The following ZNF385D variants were observed in gnomAD, a reference collection of about 807,000 sequenced individuals.
ZNF385D encodes zinc finger protein 385D, also known as zinc finger protein 659.
ZNF385D carries 15 observed loss-of-function variants against 35.8 expected under a neutral mutation model. The ratio of observed to expected loss-of-function variants is 0.42; its 90% CI spans 0.28 to 0.64. ZNF385D has a LOEUF of 0.64. Among genes scored for constraint, ZNF385D ranks in the 30% least tolerant of loss-of-function variants. ZNF385D has a pLI of 0.23. For synonymous variants in ZNF385D, 212 were observed against 186.8 expected, an observed-to-expected ratio of 1.13 and a Z score of -1.10; for missense variants, 474 against 494.6, an observed-to-expected ratio of 0.96 and a Z score of 0.39.
intron 3 of ZNF385D, among the ~76,000 whole-genome samples, chr3:22,003,135 C>G (rs1389461605): frequency 6.6e-6 from 1 of 152,110 alleles, no homozygotes; most frequent in Non-Finnish European, 1.5e-5. Flanking sequence ...TCAAATTGTC[C>G]TTCTTCGCAG....
chr3:22,180,527 A>C (rs1695169167), intron 2 of ZNF385D, among the ~76,000 whole-genome samples: 1 of 152,210 alleles, frequency 6.6e-6, no homozygotes, highest in African/African-American at 2.4e-5. Context: ...ATCGATGCAA[A>C]AATCCTCAGT....
chr3:21,932,152 G>A (rs1428869315), intron 3 of ZNF385D, among the ~76,000 whole-genome samples: 2 of 84,964 alleles, frequency 2.4e-5, no homozygotes, highest in African/African-American at 9.7e-5. Context: ...GGGCGAAAGA[G>A]CAAGACTCAT....
chr3:22,012,624 G>A (rs1207631041), intron 3 of ZNF385D, among the ~76,000 whole-genome samples: 1 of 152,066 alleles, frequency 6.6e-6, no homozygotes, highest in African/African-American at 2.4e-5. Flanking sequence ...ATAGGAATGT[G>A]GATATGATAC....
chr3:21,851,533 C>T (rs966911213), intron 3 of ZNF385D, among the ~76,000 whole-genome samples: 3 of 151,684 alleles, frequency 2.0e-5, no homozygotes, highest in Non-Finnish European at 4.4e-5. Context: ...CTTAAATAGC[C>T]AATGAATAAA....
intron 3 of ZNF385D, among the ~76,000 whole-genome samples, chr3:22,139,429 G>A (rs1335748079): frequency 5.3e-5 from 8 of 152,186 alleles, no homozygotes; most frequent in Middle Eastern, 3.4e-3. Context: ...GGAATACTAT[G>A]CAGCCATAAA....
chr3:22,230,821 T>G (rs1295070825), intron 2 of ZNF385D, among the ~76,000 whole-genome samples: 1 of 152,304 alleles, frequency 6.6e-6, no homozygotes, highest in Admixed American at 6.5e-5. Flanking sequence ...CAAGTATTGT[T>G]GTCTGCTTGC....
At chr3:21,458,834 T>C (rs1438774484) in intron 4 of ZNF385D, among the ~76,000 whole-genome samples, 1 of 151,162 alleles carries the variant, frequency 6.6e-6, no homozygotes, top group Non-Finnish European at 1.5e-5. Flanking sequence ...GGACTGATGA[T>C]GAGTATGTGG....
chr3:21,906,430 A>G (rs1046849967), intron 3 of ZNF385D, among the ~76,000 whole-genome samples: 9 of 152,216 alleles, frequency 5.9e-5, no homozygotes, highest in Non-Finnish European at 1.2e-4. Context: ...AAAGCCCTAA[A>G]TAAAACATTA....
chr3:22,208,209 T>G (rs778140457), intron 2 of ZNF385D, among the ~76,000 whole-genome samples: 18 of 151,860 alleles, frequency 1.2e-4, no homozygotes, highest in Non-Finnish European at 2.9e-5. Context: ...AAGACTCAAA[T>G]GGAGAAAGAA....
chr3:21,891,818 C>T (rs1439623271), intron 3 of ZNF385D, among the ~76,000 whole-genome samples: 2 of 152,100 alleles, frequency 1.3e-5, no homozygotes, highest in Non-Finnish European at 2.9e-5. Flanking sequence ...CAGTAAGTTT[C>T]ACTTACTTTT....
chr3:22,315,235 T>C (rs180948200), intron 2 of ZNF385D, among the ~76,000 whole-genome samples: 2 of 152,272 alleles, frequency 1.3e-5, no homozygotes, highest in East Asian at 3.9e-4. Flanking sequence ...GGGAATGTCA[T>C]TAACGAAGAC....
intron 3 of ZNF385D, among the ~76,000 whole-genome samples, chr3:22,046,991 A>G (rs1699042574): frequency 6.6e-6 from 1 of 152,144 alleles, no homozygotes; most frequent in African/African-American, 2.4e-5. Context: ...CAAACAACAC[A>G]TATTTTTGAT....
chr3:21,739,670 C>G (rs1044801948), intron 1 of ZNF385D, among the ~76,000 whole-genome samples: 1 of 152,174 alleles, frequency 6.6e-6, no homozygotes, highest in African/African-American at 2.4e-5. Context: ...CCCATCATAA[C>G]AAGGGCAGGA....
intron 6 of ZNF385D, among the ~76,000 whole-genome samples, chr3:21,424,301 T>TTATTTATATATATATATATATA (rs1444235124): frequency 2.5e-5 from 2 of 80,184 alleles, no homozygotes; most frequent in African/African-American, 9.4e-5. Context: ...ATATATATAT[T>TTATTTATATATATATATATATA]TATATATATA....
At chr3:22,329,408 AC>A (rs1694832479) in intron 2 of ZNF385D, among the ~76,000 whole-genome samples, 1 of 152,168 alleles carries the variant, frequency 6.6e-6, no homozygotes. Flanking sequence ...TTCATAGGTC[AC>A]CTATTGGTGC....
At chr3:21,884,177 T>C (rs1220651029) in intron 3 of ZNF385D, among the ~76,000 whole-genome samples, 1 of 152,046 alleles carries the variant, frequency 6.6e-6, no homozygotes, top group Non-Finnish European at 1.5e-5. Flanking sequence ...TATTTTTCCA[T>C]AGAAATGATA....
intron 3 of ZNF385D, among the ~76,000 whole-genome samples, chr3:21,795,266 G>A (rs1219727332): frequency 3.9e-5 from 6 of 152,188 alleles, no homozygotes; most frequent in East Asian, 1.9e-4. Flanking sequence ...GTAGGCCTCA[G>A]GGGCCCCATT....
chr3:22,141,675 G>A (rs934095958), intron 3 of ZNF385D, among the ~76,000 whole-genome samples: 29 of 152,284 alleles, frequency 1.9e-4, no homozygotes, highest in African/African-American at 7.0e-4. Context: ...GGGGGAGGAG[G>A]AGGAGGAGGG....
intron 1 of ZNF385D, among the ~76,000 whole-genome samples, chr3:21,690,207 GCATATATA>G (rs1025675166): frequency 8.6e-5 from 13 of 151,974 alleles, no homozygotes; most frequent in Admixed American, 4.6e-4. Context: ...TTGTGTGTGT[GCATATATA>G]CATATATACA....
Sources: gnomAD v4.1 joint callset for allele counts (sites outside exome capture counted in the v4.1 genomes callset) on GRCh38, gnomAD v4.1.1 for gene constraint, MANE v1.5 for transcripts, NCBI Gene and HGNC (gene_info 2026-07-23, HGNC 2026-07-21) for gene names.